The following PLEKHA7 variants were observed in gnomAD, a reference collection of about 807,000 sequenced individuals.
PLEKHA7 encodes pleckstrin homology domain containing A7.
PLEKHA7 carries 104 observed loss-of-function variants against 170.0 expected under a neutral mutation model. The ratio of observed to expected loss-of-function variants is 0.61; its 90% CI spans 0.52 to 0.72. The LOEUF (loss-of-function observed/expected upper bound fraction) is 0.72, where lower values mean the gene tolerates loss of function less well. Ranked by LOEUF, PLEKHA7 falls within the 30% of genes least tolerant of loss-of-function variation. The pLI is 0.00. For synonymous variants in PLEKHA7, 648 were observed against 660.8 expected (o/e 0.98, Z 0.30); for missense variants, 1,615 against 1,671.7 (o/e 0.97, Z 0.59).
chr11:16,948,228 G>A (rs1411806880), intron 3 of PLEKHA7, among the ~76,000 whole-genome samples: 4 of 152,178 alleles, frequency 2.6e-5, no homozygotes, highest in African/African-American at 9.7e-5. Flanking sequence ...TAGTTAGGCA[G>A]AAGAAATAAG....
At chr11:16,793,687 C>T (rs576882889) in intron 19 of PLEKHA7, among the ~76,000 whole-genome samples, 77 of 152,342 alleles carry the variant, frequency 5.1e-4, no homozygotes, top group East Asian at 4.6e-3. Context: ...GCCCTGGAGG[C>T]GTGAGCTCTC....
intron 26 of PLEKHA7, among the ~76,000 whole-genome samples, chr11:16,780,328 G>A (rs1421643667): frequency 6.6e-6 from 1 of 152,226 alleles, no homozygotes; most frequent in Non-Finnish European, 1.5e-5. Context: ...AACTTGGTAG[G>A]GTTGGTGCCA....
At chr11:16,998,357 C>T (rs1864463942) in intron 3 of PLEKHA7, among the ~76,000 whole-genome samples, 1 of 152,114 alleles carries the variant, frequency 6.6e-6, no homozygotes, top group Non-Finnish European at 1.5e-5. Context: ...AGGCAATCAG[C>T]ACCAACCAAG....
Position 16,783,774 on chromosome 11 carries a change from C to G in PLEKHA7, c.3576G>C (p.Glu1192Asp). The G allele has an allele frequency of 6.6e-7, 1 of 1,515,384 alleles. No homozygotes were observed. The highest frequency in any genetic ancestry group is 1.4e-5 in the African/African-American group (1 of 72,012). 93.9% of individuals were successfully genotyped at this position (1,515,384 alleles called of 1,614,324 possible). A position where few individuals can be genotyped will look rare whatever the true frequency, so the allele number is the denominator to read the frequency against. Residue 1192 changes from glutamate to aspartate, a missense_variant, in exon 25 of 27, where the codon GAG becomes GAC. Coordinates refer to ENST00000531066, the MANE Select transcript of PLEKHA7 (RefSeq NM_001329630.2). Reference protein sequence around the residue: ...PERYVELDPEEPPSLEELQAR... With the variant: ...PERYVELDPEDPPSLEELQAR... Reference sequence around the variant, plus strand: ...CCTGCAGCTCCTCAAGGCTGGGTGGCTCTTCGGGATCTAGCTCCACGTAGC... The same window carrying G: ...CCTGCAGCTCCTCAAGGCTGGGTGGGTCTTCGGGATCTAGCTCCACGTAGC...
intron 3 of PLEKHA7, among the ~76,000 whole-genome samples, chr11:16,936,548 C>T (rs777592416): frequency 1.3e-5 from 2 of 152,180 alleles, no homozygotes; most frequent in Non-Finnish European, 2.9e-5. Context: ...CCCACCTCCA[C>T]TCTCCCAATC....
At chr11:16,804,939 T>C (rs941077772) in intron 13 of PLEKHA7, among the ~76,000 whole-genome samples, 1 of 152,164 alleles carries the variant, frequency 6.6e-6, no homozygotes, top group Non-Finnish European at 1.5e-5. Flanking sequence ...AAGTTAATCC[T>C]GGTGAATCAC....
intron 12 of PLEKHA7, among the ~76,000 whole-genome samples, chr11:16,814,357 A>G (rs1202716486): frequency 6.6e-6 from 1 of 152,198 alleles, no homozygotes; most frequent in East Asian, 1.9e-4. Context: ...CTAAAACAGA[A>G]CAAGGAAGGA....
Position 16,786,251 on chromosome 11 carries a change from T to C in PLEKHA7, c.3494A>G (p.Tyr1165Cys), listed in dbSNP as rs1356320937. ...CACCTCTCTGCTGATGTCCAAGTCA[T>C]AGTCTTGAGGCTCCAGGTCCAACTC... The part of the protein sequence containing the change: ...VTELDLEPQD[Y>C]DLDISRELSK... Residue 1165 changes from tyrosine to cysteine, a missense_variant, in exon 24 of 27, where the codon TAT becomes TGT. Coordinates refer to ENST00000531066, the MANE Select transcript of PLEKHA7 (RefSeq NM_001329630.2). 3.9e-6 allele frequency: 6 copies of C among 1,536,110 alleles called. No homozygotes were observed. Among genetic ancestry groups the C allele is most frequent in the Non-Finnish European group, 5.2e-6 (6 of 1,146,890 alleles).
At chr11:16,794,817 G>C (rs1298116610) in intron 18 of PLEKHA7, 93 bp downstream of exon 18, 8 of 1,499,226 alleles carry the variant, frequency 5.3e-6, no homozygotes, top group Non-Finnish European at 7.4e-6. Flanking sequence ...ACCTCCCCAA[G>C]GGCCATCCCA....
intron 21 of PLEKHA7, 148 bp from the exon 22 acceptor site, chr11:16,790,026 G>A (rs1440199623): frequency 1.2e-5 from 9 of 741,044 alleles, no homozygotes; most frequent in Admixed American, 4.5e-5. Context: ...GGGCATGGAG[G>A]AGCAAGGTCC....
intron 3 of PLEKHA7, among the ~76,000 whole-genome samples, chr11:16,945,048 T>C (rs1269918050): frequency 6.6e-6 from 1 of 152,174 alleles, no homozygotes; most frequent in Non-Finnish European, 1.5e-5. Flanking sequence ...GCAATTCTCC[T>C]GCCTCAGCCT....
chr11:16,970,179 T>G (rs73427263), intron 3 of PLEKHA7, among the ~76,000 whole-genome samples: 6,466 of 152,172 alleles, frequency 0.042, 342 homozygotes, highest in African/African-American at 0.12. Flanking sequence ...ACAAAACAGA[T>G]GAATCTGAAC....
Position 16,777,781 on chromosome 11 carries a change from G to C in PLEKHA7, c.*1217C>G, listed in dbSNP as rs1848770381. On this transcript the variant is annotated 3_prime_UTR_variant, in exon 27 of 27. Coordinates refer to ENST00000531066, the MANE Select transcript of PLEKHA7 (RefSeq NM_001329630.2). ...TGAGGGATGGTGGGGGCACACTGCT[G>C]CCCTCCTGCCACCAGACCTGAGTCC... 1 of 152,210 alleles carries C rather than the reference G, an allele frequency of 6.6e-6. No homozygotes were observed. Among genetic ancestry groups the C allele is most frequent in the South Asian group, 2.1e-4 (1 of 4,832 alleles). 9.4% of individuals were successfully genotyped at this position (152,210 alleles called of 1,614,324 possible). A position where few individuals can be genotyped will look rare whatever the true frequency, so the allele number is the denominator to read the frequency against.
intron 3 of PLEKHA7, among the ~76,000 whole-genome samples, chr11:16,954,065 G>C (rs1861558486): frequency 2.0e-5 from 3 of 152,206 alleles, no homozygotes; most frequent in Admixed American, 2.0e-4. Flanking sequence ...TGGTTGAGAA[G>C]CAAACAATGC....
At chr11:16,810,955 G>T (rs1250933760) in intron 13 of PLEKHA7, among the ~76,000 whole-genome samples, 1 of 152,146 alleles carries the variant, frequency 6.6e-6, no homozygotes, top group African/African-American at 2.4e-5. Flanking sequence ...CCCTTACAGG[G>T]CCACTTTGGA....
chr11:16,843,530 A>G (rs1852136957), intron 8 of PLEKHA7, among the ~76,000 whole-genome samples: 1 of 152,278 alleles, frequency 6.6e-6, no homozygotes, highest in African/African-American at 2.4e-5. Context: ...CCTGCAGCCA[A>G]GGATCCCTAT....
chr11:16,965,852 C>A (rs1862341075), intron 3 of PLEKHA7, among the ~76,000 whole-genome samples: 1 of 152,176 alleles, frequency 6.6e-6, no homozygotes, highest in East Asian at 1.9e-4. Flanking sequence ...GCACTCAGTG[C>A]ACTGCCTGCC....
chr11:16,944,758 C>T (rs1860916919), intron 3 of PLEKHA7, among the ~76,000 whole-genome samples: 1 of 152,122 alleles, frequency 6.6e-6, no homozygotes, highest in African/African-American at 2.4e-5. Context: ...AGTGACTTTG[C>T]TCCAAGAATC....
rs760552278 is a variant in PLEKHA7, at chr11:16,803,286, G to A, written c.2017C>T (p.Arg673Trp). 19 of 1,613,342 alleles carry A rather than the reference G, an allele frequency of 1.2e-5. No homozygotes were observed. Among genetic ancestry groups the A allele is most frequent in the East Asian group, 4.5e-5 (2 of 44,884 alleles). Residue 673 changes from arginine to tryptophan, a missense_variant, in exon 14 of 27, where the codon CGG becomes TGG. Physicochemically the swap from Arg to Trp is moderately radical, Grantham distance 101. Transcript: ENST00000531066. Reference sequence around the variant, plus strand: ...AGACTTCGATCCTTGAGAAGGTCCCGGCCTGTCATCTGGGAGGCGAACAAT... The same window carrying A: ...AGACTTCGATCCTTGAGAAGGTCCCAGCCTGTCATCTGGGAGGCGAACAAT... ...LEYLDLKMTG[R>W]DLLKDRSLKP...
Sources: gnomAD v4.1 joint callset for allele counts (sites outside exome capture counted in the v4.1 genomes callset) on GRCh38, gnomAD v4.1.1 for gene constraint, MANE v1.5 for transcripts, NCBI Gene and HGNC (gene_info 2026-07-23, HGNC 2026-07-21) for gene names.